Variants in ABLIM3 observed in about 807,000 individuals in gnomAD.
ABLIM3 encodes actin-binding LIM protein 3.
In ABLIM3, 61 loss-of-function variants were observed where a neutral mutation model predicts 109.5. The ratio of observed to expected loss-of-function variants is 0.56; its 90% CI spans 0.45 to 0.69. ABLIM3 has a LOEUF of 0.69. Ranked by LOEUF, ABLIM3 falls within the 30% of genes least tolerant of loss-of-function variation. The pLI, the probability that ABLIM3 is intolerant of heterozygous loss-of-function variation, is 0.00. For missense variants in ABLIM3, 796 were observed against 889.5 expected (o/e 0.89, Z 1.34); for synonymous variants, 300 against 324.8 (o/e 0.92, Z 0.82).
At position 149,242,647 on chromosome 5, in the gene ABLIM3, C is replaced by G. The variant is rs1752968893; in HGVS notation, c.1351+109C>G. Reference sequence around the variant, plus strand: ...CCAGGAGCCACAAAACACAAGGCTGCATCTTGGTCCTTCTTGTTGACTGCC... The same window carrying G: ...CCAGGAGCCACAAAACACAAGGCTGGATCTTGGTCCTTCTTGTTGACTGCC... On this transcript the variant is annotated intron_variant, in intron 15 of 23. Transcript: ENST00000309868. 6.0e-6 allele frequency: 7 copies of G among 1,172,766 alleles called. 1 individual carries two copies. The highest frequency in any genetic ancestry group is 6.4e-6 in the Non-Finnish European group (5 of 782,384). 72.6% of individuals were successfully genotyped at this position (1,172,766 alleles called of 1,614,324 possible).
chr5:149,225,455 C>G (rs561214028), intron 8 of ABLIM3, among the ~76,000 whole-genome samples: 1 of 152,304 alleles, frequency 6.6e-6, no homozygotes, highest in Admixed American at 6.5e-5. Context: ...ATAATGCTTT[C>G]TAGGTTCATC....
chr5:149,164,863 T>G (rs1403509680), intron 2 of ABLIM3, among the ~76,000 whole-genome samples: 1 of 152,212 alleles, frequency 6.6e-6, no homozygotes, highest in Non-Finnish European at 1.5e-5. Context: ...TGTTTATGTA[T>G]TTCTTTTACA....
intron 8 of ABLIM3, among the ~76,000 whole-genome samples, chr5:149,225,058 G>C (rs1353723910): frequency 1.3e-5 from 2 of 152,182 alleles, no homozygotes; most frequent in Non-Finnish European, 2.9e-5. Flanking sequence ...GGCCGAGTTT[G>C]GCACTTTCAG....
chr5:149,193,936 T>A (rs1757727578), intron 3 of ABLIM3, among the ~76,000 whole-genome samples: 1 of 152,214 alleles, frequency 6.6e-6, no homozygotes, highest in Non-Finnish European at 1.5e-5. Flanking sequence ...CAATTCCAGG[T>A]GGATTTGCTT....
At position 149,198,247 on chromosome 5, in the gene ABLIM3, C is replaced by T; in HGVS notation, c.180C>T (p.Gly60=). The T allele has an allele frequency of 6.2e-7, 1 of 1,613,734 alleles. No individual in the cohort carries two copies. Among genetic ancestry groups the T allele is most frequent in the Non-Finnish European group, 8.5e-7 (1 of 1,179,830 alleles). ...GTGGCTGTGGCCTGGCCCAGTCAGG[C>T]TTCTTCTTCAAGAACCAGGAGTACA... ...QVCGCGLAQS[G]FFFKNQEYIC... The change falls in exon 4 of 24, where the codon GGC becomes GGT. Residue 60 remains glycine (G), a synonymous_variant. Coordinates refer to ENST00000309868, the MANE Select transcript of ABLIM3 (RefSeq NM_014945.5). The surrounding 1 kb of genome is among the most constrained non-coding windows in gnomAD (Gnocchi z 4.2).
chr5:149,246,649 A>C (rs1753391878), intron 17 of ABLIM3, 103 bp downstream of exon 17: 5 of 1,249,244 alleles, frequency 4.0e-6, no homozygotes, highest in Non-Finnish European at 5.5e-6. Context: ...CACTTATGAT[A>C]GAAAAAAGAA....
In ABLIM3 at chr5:149,259,859, T is replaced by A; in HGVS notation, c.*1455T>A. 2.1e-6 allele frequency: 1 copy of A among 482,478 alleles called. No individual in the cohort carries two copies. The highest frequency in any genetic ancestry group is 3.8e-6 in the Non-Finnish European group (1 of 265,248). 29.9% of individuals were successfully genotyped at this position (482,478 alleles called of 1,614,324 possible). On this transcript the variant is annotated 3_prime_UTR_variant, in exon 24 of 24. Coordinates refer to ENST00000309868, the MANE Select transcript of ABLIM3 (RefSeq NM_014945.5). ...TGACATGGCAAATGTAGAACTGACT[T>A]AAATTGAACAAACCCTCACTGAGCA...
chr5:149,224,856 G>A (rs1761011089), intron 8 of ABLIM3, among the ~76,000 whole-genome samples: 2 of 152,238 alleles, frequency 1.3e-5, no homozygotes, highest in Admixed American at 6.5e-5. Context: ...AAGGCACAGA[G>A]AGGCAACTGA....
At chr5:149,217,130 TG>T (rs3839234) in intron 8 of ABLIM3, 84 bp downstream of exon 8, 563,795 of 1,291,868 alleles carry the variant, frequency 0.44, 128,096 homozygotes, top group East Asian at 0.58. Context: ...AGTGTTATCT[TG>T]GCTTCAGGTT....
Position 149,148,678 on chromosome 5 carries a change from C to G in ABLIM3, c.13+6570C>G, listed in dbSNP as rs141014794. 4.2e-3 allele frequency among the ~76,000 whole-genome samples: 635 copies of G among 152,354 alleles called. 4 individuals are homozygous for G. The highest frequency in any genetic ancestry group is 0.015 in the African/African-American group (614 of 41,582). On this transcript the variant is annotated intron_variant, in intron 2 of 23. Transcript: ENST00000309868. ...TCCCAGGGTGAGAAAGGAAACTCCTCAGCAAGCCTGTAAGGCCCGATGTGG... is the reference window on the plus strand; with the variant it reads ...TCCCAGGGTGAGAAAGGAAACTCCTGAGCAAGCCTGTAAGGCCCGATGTGG...
intron 15 of ABLIM3, chr5:149,244,297 T>C (rs759693807): frequency 6.5e-6 from 1 of 153,582 alleles, no homozygotes; most frequent in Non-Finnish European, 1.5e-5. Flanking sequence ...AAGGCAGAGA[T>C]GGTAGGACCT....
intron 23 of ABLIM3, among the ~76,000 whole-genome samples, chr5:149,257,661 G>T (rs1033367474): frequency 7.9e-5 from 12 of 152,146 alleles, no homozygotes; most frequent in African/African-American, 2.9e-4. Flanking sequence ...TTTTAAAGCT[G>T]CTTAGAAGGG....
At chr5:149,249,875 TC>T (rs1374163129) in intron 19 of ABLIM3, 31 bp downstream of exon 19, 2 of 1,613,762 alleles carry the variant, frequency 1.2e-6, no homozygotes, top group South Asian at 2.2e-5. Context: ...CTTCAGCCCA[TC>T]ATGTCCCATG....
chr5:149,179,089 C>T (rs1345863186), intron 2 of ABLIM3, among the ~76,000 whole-genome samples: 1 of 152,146 alleles, frequency 6.6e-6, no homozygotes, highest in Non-Finnish European at 1.5e-5. Context: ...TTCATTTACC[C>T]GGAGGTCGGT....
intron 11 of ABLIM3, among the ~76,000 whole-genome samples, 173 bp from the exon 12 acceptor site, chr5:149,239,075 C>T (rs1752529465): frequency 6.6e-6 from 1 of 152,150 alleles, no homozygotes. Flanking sequence ...TGCCTCCTGT[C>T]AGTAGTCTGA....
chr5:149,239,942 T>C (rs1752634362), intron 13 of ABLIM3, 54 bp downstream of exon 13: 1 of 1,548,870 alleles, frequency 6.5e-7, no homozygotes, highest in African/African-American at 1.4e-5. Flanking sequence ...GACAATGCAG[T>C]CACTTGGGGT....
chr5:149,186,386 C>G (rs1756960777), intron 3 of ABLIM3, among the ~76,000 whole-genome samples: 1 of 151,776 alleles, frequency 6.6e-6, no homozygotes, highest in South Asian at 2.1e-4. Context: ...TGCACTCCAG[C>G]CTGGTGACAA....
At chr5:149,163,162 C>T (rs551542679) in intron 2 of ABLIM3, among the ~76,000 whole-genome samples, 10 of 152,196 alleles carry the variant, frequency 6.6e-5, no homozygotes, top group South Asian at 6.2e-4. Context: ...GGTGGGAGTC[C>T]GGGTTAAGCA....
intron 2 of ABLIM3, among the ~76,000 whole-genome samples, chr5:149,178,655 G>GA (rs1159086083): frequency 6.6e-6 from 1 of 152,204 alleles, no homozygotes; most frequent in Non-Finnish European, 1.5e-5. Flanking sequence ...ATCAGTGAAA[G>GA]AACATAACTT....
Sources: gnomAD v4.1 joint callset for allele counts (sites outside exome capture counted in the v4.1 genomes callset) on GRCh38, gnomAD v4.1.1 for gene constraint, Gnocchi (gnomAD v3.1) non-coding constraint, MANE v1.5 for transcripts, NCBI Gene and HGNC (gene_info 2026-07-23, HGNC 2026-07-21) for gene names.